ZNF713: variants seen among roughly 807,000 people sequenced by gnomAD.
ZNF713 encodes zinc finger protein 713.
A neutral mutation model predicts 28.7 loss-of-function variants in ZNF713; 21 were observed. The ratio of observed to expected loss-of-function variants is 0.73; its 90% CI spans 0.52 to 1.05. ZNF713 has a LOEUF of 1.05. ZNF713 is among the 50% of genes least tolerant of loss of function. ZNF713 has a pLI of 0.00. For synonymous variants in ZNF713, 167 were observed against 178.0 expected (o/e 0.94, Z 0.49); for missense variants, 458 against 532.4 (o/e 0.86, Z 1.37).
chr7:55,892,793 A>C (rs1422372412), intron 1 of ZNF713, among the ~76,000 whole-genome samples: 1 of 149,626 alleles, frequency 6.7e-6, no homozygotes, highest in African/African-American at 2.5e-5. Flanking sequence ...AATTACTTGA[A>C]CCTGGGAGGT....
In ZNF713 at chr7:55,911,749, C is replaced by T. The variant is rs1785788620; in HGVS notation, c.-322C>T. 6.6e-6 allele frequency: 1 copy of T among 152,182 alleles called. No homozygotes were observed. Among genetic ancestry groups the T allele is most frequent in the Non-Finnish European group, 1.5e-5 (1 of 68,034 alleles). 9.4% of individuals were successfully genotyped at this position (152,182 alleles called of 1,614,324 possible). A position where few individuals can be genotyped will look rare whatever the true frequency, so the allele number is the denominator to read the frequency against. On this transcript the variant is annotated 5_prime_UTR_variant, in exon 3 of 7. Transcript: ENST00000429591. ...AGGTAATAACAACCTTCAAGAGCCC[C>T]TTCATCTCAACTCGGCATAAACAAG...
chr7:55,927,315 C>T (rs551540846), intron 6 of ZNF713, among the ~76,000 whole-genome samples: 4 of 152,134 alleles, frequency 2.6e-5, no homozygotes, highest in Admixed American at 6.6e-5. Flanking sequence ...CCCTTGAGCC[C>T]GGGAGTTCAA....
intron 6 of ZNF713, among the ~76,000 whole-genome samples, chr7:55,928,200 G>C (rs796587702): frequency 1.3e-5 from 2 of 152,248 alleles, no homozygotes; most frequent in Admixed American, 6.5e-5. Flanking sequence ...GCAGTGATGA[G>C]GGCCCCCGTG....
intron 6 of ZNF713, among the ~76,000 whole-genome samples, chr7:55,937,167 G>T (rs1349796537): frequency 6.6e-6 from 1 of 152,150 alleles, no homozygotes; most frequent in East Asian, 1.9e-4. Context: ...AGGTGTAGTG[G>T]TGCATGCCTG....
At position 55,919,714 on chromosome 7, in the gene ZNF713, A is replaced by G. The variant is rs1244634328; in HGVS notation, c.88-3448A>G. Among the ~76,000 whole-genome samples the G allele has an allele frequency of 2.6e-5, 4 of 151,848 alleles. No homozygotes were observed. The East Asian group carries it at 7.7e-4, about 29-fold the overall frequency. ...ACACTTTTTATTGAAGTAAAGGAAC[A>G]TACAAAAATACACATACTATAAATG... On this transcript the variant is annotated intron_variant, in intron 4 of 6. Transcript: ENST00000429591.
chr7:55,940,570 C>CT lies in ZNF713; in HGVS notation c.*569dup. On this transcript the variant is annotated 3_prime_UTR_variant, in exon 7 of 7. Transcript: ENST00000429591. ...GTCATGTTCCAAATCTGATATAAAA[C>CT]TTTTTAAAAAATCAGAAGTCCTTAT... 2.0e-6 allele frequency: 2 copies of CT among 980,500 alleles called. No homozygotes were observed. The highest frequency in any genetic ancestry group is 9.4e-5 in the South Asian group (2 of 21,188). The allele number at this position is 980,500 out of a possible 1,614,324, so 60.7% of individuals were successfully genotyped here. A position where few individuals can be genotyped will look rare whatever the true frequency, so the allele number is the denominator to read the frequency against.
At chr7:55,893,132 C>T (rs1415972403) in intron 1 of ZNF713, among the ~76,000 whole-genome samples, 3 of 152,096 alleles carry the variant, frequency 2.0e-5, no homozygotes, top group African/African-American at 7.2e-5. Context: ...ATCTGCCCGC[C>T]TCAGCCTCCC....
At chr7:55,921,598 ATGG>A (rs1460332397) in intron 4 of ZNF713, among the ~76,000 whole-genome samples, 2 of 152,230 alleles carry the variant, frequency 1.3e-5, no homozygotes, top group Non-Finnish European at 2.9e-5. Flanking sequence ...AACTGCAGGC[ATGG>A]TGGAAATAGC....
chr7:55,904,189 A>G (rs1231267306), intron 1 of ZNF713, among the ~76,000 whole-genome samples: 1 of 112,146 alleles, frequency 8.9e-6, no homozygotes, highest in East Asian at 3.2e-4. Flanking sequence ...AGGTCAGGCC[A>G]GGCCTGATGG....
intron 2 of ZNF713, among the ~76,000 whole-genome samples, chr7:55,907,051 G>A (rs145383448): frequency 6.6e-6 from 1 of 152,096 alleles, no homozygotes; most frequent in African/African-American, 2.4e-5. Flanking sequence ...AGCAAGGAAG[G>A]CCTCTCCACT....
At chr7:55,912,093 A>T (rs1173909357) in intron 3 of ZNF713, 25 bp downstream of exon 3, 1 of 152,384 alleles carries the variant, frequency 6.6e-6, no homozygotes, top group African/African-American at 2.4e-5. Context: ...AAATCAGAAT[A>T]GTGACATCTC....
At position 55,887,600 on chromosome 7, in the gene ZNF713, CGCGGCGGCG is replaced by C. The variant is rs369789359; in HGVS notation, c.-632_-624del. On this transcript the variant is annotated 5_prime_UTR_variant, in exon 1 of 7. Transcript: ENST00000429591. ...GGCACCTTCTCCCTCCCGGGTCCAC[CGCGGCGGCG>C]GCGGCGGCGGCGGCGGCGGCGGCGG... is the stretch of plus-strand genomic sequence containing the variant. The C allele has an allele frequency of 2.7e-3, 486 of 178,572 alleles. 16 individuals are homozygous for C. The highest frequency in any genetic ancestry group is 6.7e-3 in the African/African-American group (273 of 40,504). The allele number at this position is 178,572 out of a possible 1,614,324, so 11.1% of individuals were successfully genotyped here.
chr7:55,916,307 C>T (rs1785881166), intron 4 of ZNF713, among the ~76,000 whole-genome samples: 1 of 152,230 alleles, frequency 6.6e-6, no homozygotes, highest in African/African-American at 2.4e-5. Flanking sequence ...CCTCATTCTT[C>T]TTCCTTAAAC....
intron 4 of ZNF713, among the ~76,000 whole-genome samples, chr7:55,918,870 C>T (rs556815208): frequency 2.6e-5 from 4 of 151,970 alleles, no homozygotes; most frequent in East Asian, 3.9e-4. Context: ...GGTTTGCGCC[C>T]GTAATCCCAG....
At chr7:55,894,841 A>T (rs566020830) in intron 1 of ZNF713, among the ~76,000 whole-genome samples, 1 of 151,954 alleles carries the variant, frequency 6.6e-6, no homozygotes, top group East Asian at 1.9e-4. Context: ...GTTTTCTGTC[A>T]TGAAGTGAGA....
intron 6 of ZNF713, among the ~76,000 whole-genome samples, chr7:55,929,373 T>C (rs916590147): frequency 2.6e-5 from 4 of 152,174 alleles, no homozygotes; most frequent in Non-Finnish European, 4.4e-5. Flanking sequence ...GGGCATTTAA[T>C]ATAAAGGCAT....
intron 6 of ZNF713, chr7:55,924,967 A>T (rs1391850669): frequency 6.6e-6 from 1 of 151,964 alleles, no homozygotes; most frequent in Non-Finnish European, 1.5e-5. Flanking sequence ...TGTTGGCTTT[A>T]TACTCTCTTC....
chr7:55,918,628 G>A (rs895737309), intron 4 of ZNF713, among the ~76,000 whole-genome samples: 2 of 152,154 alleles, frequency 1.3e-5, no homozygotes, highest in Non-Finnish European at 2.9e-5. Flanking sequence ...AGGATAGTAA[G>A]GAGAATGTTA....
At chr7:55,917,282 T>C (rs563097523) in intron 4 of ZNF713, among the ~76,000 whole-genome samples, 2 of 150,510 alleles carry the variant, frequency 1.3e-5, no homozygotes, top group South Asian at 2.1e-4. Context: ...CAACAAACTA[T>C]AAGCAAAGTA....
Sources: allele counts gnomAD v4.1 joint callset (sites outside exome capture counted in the v4.1 genomes callset), GRCh38; gene constraint gnomAD v4.1.1; transcripts MANE v1.5; gene names NCBI Gene and HGNC (gene_info 2026-07-23, HGNC 2026-07-21).